Variants in LONRF2 observed in about 807,000 individuals in gnomAD.
LONRF2 encodes the protein LON peptidase N-terminal domain and ring finger 2.
LONRF2 carries 35 observed loss-of-function variants against 66.6 expected under a neutral mutation model. The ratio of observed to expected loss-of-function variants is 0.53; its 90% CI spans 0.40 to 0.70. LONRF2 has a LOEUF of 0.70. Ranked by LOEUF, LONRF2 falls within the 30% of genes least tolerant of loss-of-function variation. The pLI, the probability that LONRF2 is intolerant of heterozygous loss-of-function variation, is 0.00. For synonymous variants in LONRF2, 417 were observed against 418.1 expected (o/e 1.00, Z 0.03); for missense variants, 902 against 1,002.1 (o/e 0.90, Z 1.35).
At chr2:100,287,210 T>A in intron 10 of LONRF2, 147 bp from the exon 11 acceptor site, 1 of 710,638 alleles carries the variant, frequency 1.4e-6, no homozygotes, top group Non-Finnish European at 2.1e-6. Context: ...ACATGCTCAA[T>A]ATAGAAATCT....
At position 100,322,209 on chromosome 2, in the gene LONRF2, G is replaced by A. The variant is rs1675653570; in HGVS notation, c.-116C>T. The A allele has an allele frequency of 1.9e-6, 2 of 1,059,602 alleles. No homozygotes were observed. The highest frequency in any genetic ancestry group is 3.3e-5 in the African/African-American group (2 of 60,238). 65.6% of individuals were successfully genotyped at this position (1,059,602 alleles called of 1,614,324 possible). ...TCTCAGCCCTCGCCAGCAGCCACGC[G>A]CGTCTGGGGGCGGCGCGCTGCGAGC... On this transcript the variant is annotated 5_prime_UTR_variant, in exon 1 of 12. Transcript: ENST00000393437.
In LONRF2 at chr2:100,302,790, G is replaced by A. The variant is rs148837436; in HGVS notation, c.921+131C>T. On this transcript the variant is annotated intron_variant, in intron 3 of 11. Transcript: ENST00000393437. ...ATGAACCTTACAATTATTGCCATGCGTTTTTTATTGCATTATCACGAACAT... is the reference window on the plus strand; with the variant it reads ...ATGAACCTTACAATTATTGCCATGCATTTTTTATTGCATTATCACGAACAT... 3,973 of 895,286 alleles carry A rather than the reference G, an allele frequency of 4.4e-3. 15 individuals are homozygous for A. The highest frequency in any genetic ancestry group is 7.2e-3 in the South Asian group (215 of 30,050). 55.5% of individuals were successfully genotyped at this position (895,286 alleles called of 1,614,324 possible).
At chr2:100,291,935 C>T (rs73966452) in intron 9 of LONRF2, among the ~76,000 whole-genome samples, 5,269 of 152,236 alleles carry the variant, frequency 0.035, 272 homozygotes, top group South Asian at 0.17. Flanking sequence ...CCACAAAACA[C>T]GGAGGCTCAG....
intron 1 of LONRF2, among the ~76,000 whole-genome samples, chr2:100,313,214 G>T (rs974911924): frequency 2.0e-5 from 3 of 152,218 alleles, no homozygotes; most frequent in Non-Finnish European, 2.9e-5. Context: ...AGTTAAATGA[G>T]CCAGGCGTGG....
At chr2:100,294,616 C>A (rs1240320800) in intron 8 of LONRF2, among the ~76,000 whole-genome samples, 1 of 152,178 alleles carries the variant, frequency 6.6e-6, no homozygotes, top group African/African-American at 2.4e-5. Context: ...AGAGAACATG[C>A]TGAATTATAT....
chr2:100,317,803 T>G (rs28827632), intron 1 of LONRF2, among the ~76,000 whole-genome samples: 7,048 of 152,264 alleles, frequency 0.046, 395 homozygotes, highest in African/African-American at 0.13. Context: ...TAATTTTGTC[T>G]AAAAGTCAAC....
chr2:100,312,840 G>C (rs934312680), intron 1 of LONRF2, among the ~76,000 whole-genome samples: 2 of 152,184 alleles, frequency 1.3e-5, no homozygotes, highest in African/African-American at 2.4e-5. Context: ...CAAAACTAAA[G>C]GAGTTCTCCA....
chr2:100,294,532 C>T, intron 8 of LONRF2, 145 bp from the exon 9 acceptor site: 1 of 641,602 alleles, frequency 1.6e-6, no homozygotes. Flanking sequence ...ACAAGAAAGC[C>T]AAGGACCATA....
chr2:100,314,970 T>A (rs1675476055), intron 1 of LONRF2, among the ~76,000 whole-genome samples: 1 of 152,208 alleles, frequency 6.6e-6, no homozygotes, highest in Admixed American at 6.5e-5. Flanking sequence ...ATTCATCAAT[T>A]TCCACCAAAA....
chr2:100,309,296 C>T (rs1396121307), intron 1 of LONRF2, 71 bp from the exon 2 acceptor site: 1 of 903,710 alleles, frequency 1.1e-6, no homozygotes, highest in South Asian at 1.5e-5. Flanking sequence ...AATGTCATTA[C>T]ATATATTAAA....
Position 100,322,356 on chromosome 2 carries a change from G to T in LONRF2, c.-263C>A, listed in dbSNP as rs2104227777. 6.7e-6 allele frequency: 2 copies of T among 298,396 alleles called. No individual in the cohort carries two copies. The highest frequency in any genetic ancestry group is 9.5e-4 in the Middle Eastern group (1 of 1,052). 18.5% of individuals were successfully genotyped at this position (298,396 alleles called of 1,614,324 possible). ...GGGGGCCGGGACAGGCACCGCGGGC[G>T]CAATCTGAGCCCCTGCCCACGCGCA... is the stretch of plus-strand genomic sequence containing the variant. On this transcript the variant is annotated 5_prime_UTR_variant, in exon 1 of 12. Coordinates refer to ENST00000393437, the MANE Select transcript of LONRF2 (RefSeq NM_198461.4).
chr2:100,304,383 C>A lies in LONRF2; in HGVS notation c.799-1340G>T, dbSNP rs561467601. ...TCTTGAACTCCTGGCCTCAAGTGAT[C>A]CTCCTGCCTCAGCCTCCCAAAGCAT... On this transcript the variant is annotated intron_variant, in intron 2 of 11. Coordinates refer to ENST00000393437, the MANE Select transcript of LONRF2 (RefSeq NM_198461.4). Among the ~76,000 whole-genome samples the A allele has an allele frequency of 2.4e-3, 359 of 152,014 alleles. 1 individual carries two copies. The highest frequency in any genetic ancestry group is 3.6e-3 in the Non-Finnish European group (242 of 67,984).
At chr2:100,292,350 C>T (rs536659262) in intron 9 of LONRF2, among the ~76,000 whole-genome samples, 6 of 152,302 alleles carry the variant, frequency 3.9e-5, no homozygotes, top group African/African-American at 1.4e-4. Flanking sequence ...GAGTGCAGCT[C>T]TCCAGACCTG....
intron 10 of LONRF2, 96 bp downstream of exon 10, chr2:100,290,162 A>G: frequency 1.7e-6 from 2 of 1,151,480 alleles, no homozygotes; most frequent in East Asian, 2.5e-5. Flanking sequence ...GGACTTAAGT[A>G]ATATTGTCAG....
At chr2:100,306,896 T>C (rs978588532) in intron 2 of LONRF2, among the ~76,000 whole-genome samples, 2 of 36,454 alleles carry the variant, frequency 5.5e-5, no homozygotes, top group African/African-American at 2.3e-4. Flanking sequence ...TAAACTTACT[T>C]TTTTTTTTTT....
chr2:100,308,997 G>A, intron 2 of LONRF2, 110 bp downstream of exon 2: 1 of 685,898 alleles, frequency 1.5e-6, no homozygotes, highest in South Asian at 2.4e-5. Context: ...GTAATGTGAG[G>A]GAAACATACT....
intron 3 of LONRF2, 96 bp downstream of exon 3, chr2:100,302,825 T>C: frequency 4.9e-6 from 6 of 1,225,372 alleles, no homozygotes; most frequent in Non-Finnish European, 5.4e-6. Flanking sequence ...TTCAGAATTA[T>C]ATTTCTTGTT....
At chr2:100,294,180 A>T in intron 9 of LONRF2, 49 bp downstream of exon 9, 4 of 1,586,932 alleles carry the variant, frequency 2.5e-6, no homozygotes, top group Non-Finnish European at 3.4e-6. Flanking sequence ...AAAATGACAA[A>T]CGATGCCCTT....
In LONRF2 at chr2:100,287,063, C is replaced by A. The variant is rs774922624; in HGVS notation, c.1921G>T (p.Val641Leu). Residue 641 changes from valine (V) to leucine (L), a missense_variant and splice_region_variant, in exon 11 of 12, where the codon GTG becomes TTG. Val to Leu is a conservative substitution (Grantham distance 32). Coordinates refer to ENST00000393437, the MANE Select transcript of LONRF2 (RefSeq NM_198461.4). ...AGTTCTTCATACTCTGGACCCTCCA[C>A]CTGATCAGGGAAAGAGGCACAGCTG... ...ADIEYLEDEK[V>L]EGPEYEELAA... 1 of 1,613,306 alleles carries A rather than the reference C, an allele frequency of 6.2e-7. No individual in the cohort carries two copies. Among genetic ancestry groups the A allele is most frequent in the South Asian group, 1.1e-5 (1 of 90,888 alleles).
Sources: gnomAD v4.1 joint callset for allele counts (sites outside exome capture counted in the v4.1 genomes callset) on GRCh38, gnomAD v4.1.1 for gene constraint, MANE v1.5 for transcripts, NCBI Gene and HGNC (gene_info 2026-07-23, HGNC 2026-07-21) for gene names.